RAPGEF4: variants seen among roughly 807,000 people sequenced by gnomAD.
The protein encoded by RAPGEF4 is RAP guanine-nucleotide-exchange factor (GEF) 4.
In RAPGEF4, 66 loss-of-function variants were observed where a neutral mutation model predicts 147.9. The ratio of observed to expected loss-of-function variants is 0.45; its 90% CI spans 0.37 to 0.55. The LOEUF (loss-of-function observed/expected upper bound fraction) is 0.55. RAPGEF4 is among the 20% of genes least tolerant of loss of function. The pLI, the probability that RAPGEF4 is intolerant of heterozygous loss-of-function variation, is 0.00. For synonymous variants in RAPGEF4, 419 were observed against 442.7 expected, an observed-to-expected ratio of 0.95 and a Z score of 0.67; for missense variants, 1,071 against 1,257.3, an observed-to-expected ratio of 0.85 and a Z score of 2.24.
intron 1 of RAPGEF4, among the ~76,000 whole-genome samples, chr2:172,757,150 A>G (rs1028108697): frequency 6.6e-6 from 1 of 152,280 alleles, no homozygotes; most frequent in Non-Finnish European, 1.5e-5. Flanking sequence ...CTGAAAGCCA[A>G]ACAGTGTAGC....
intron 6 of RAPGEF4, among the ~76,000 whole-genome samples, chr2:172,923,960 A>T (rs897958422): frequency 1.2e-4 from 19 of 152,296 alleles, no homozygotes; most frequent in East Asian, 1.9e-4. Flanking sequence ...ATTGATATTT[A>T]AAAAACTTTA....
chr2:172,838,975 T>G (rs1691276416), intron 4 of RAPGEF4, among the ~76,000 whole-genome samples: 1 of 152,178 alleles, frequency 6.6e-6, no homozygotes, highest in Admixed American at 6.5e-5. Flanking sequence ...CTTCTTCCCA[T>G]GCATCCTTTG....
At chr2:173,048,859 C>T (rs1278153857) in intron 30 of RAPGEF4, among the ~76,000 whole-genome samples, 2 of 152,084 alleles carry the variant, frequency 1.3e-5, no homozygotes, top group Non-Finnish European at 2.9e-5. Context: ...TGTTGTGAAA[C>T]TAGAAAATCA....
chr2:172,741,619 G>GA (rs2149419098), intron 1 of RAPGEF4, among the ~76,000 whole-genome samples: 1 of 152,152 alleles, frequency 6.6e-6, no homozygotes, highest in African/African-American at 2.4e-5. Context: ...TTTTATTGTG[G>GA]AAAAAATCAA....
At chr2:172,835,967 T>A (rs1004754365) in intron 4 of RAPGEF4, among the ~76,000 whole-genome samples, 4 of 152,152 alleles carry the variant, frequency 2.6e-5, no homozygotes, top group African/African-American at 9.7e-5. Context: ...ATTCTTCCAA[T>A]CTCTTTCTGG....
chr2:172,932,422 GT>G (rs1266617777), intron 6 of RAPGEF4, among the ~76,000 whole-genome samples: 1 of 152,196 alleles, frequency 6.6e-6, no homozygotes, highest in Non-Finnish European at 1.5e-5. Context: ...TAATCAGCGA[GT>G]TTTTATGGAA....
intron 4 of RAPGEF4, among the ~76,000 whole-genome samples, chr2:172,882,738 A>G (rs1696764487): frequency 2.0e-5 from 3 of 152,284 alleles, no homozygotes; most frequent in South Asian, 4.1e-4. Context: ...GTAAAGTTGA[A>G]AAAAGCTCAA....
intron 1 of RAPGEF4, among the ~76,000 whole-genome samples, chr2:172,746,091 T>C (rs1445235278): frequency 6.6e-6 from 1 of 152,206 alleles, no homozygotes; most frequent in South Asian, 2.1e-4. Context: ...CCGTTAACAA[T>C]GATTATGATT....
intron 5 of RAPGEF4, 119 bp downstream of exon 5, chr2:172,917,993 G>A (rs771392022): frequency 2.6e-5 from 23 of 873,996 alleles, no homozygotes; most frequent in Non-Finnish European, 4.1e-5. Context: ...CTCTTTTGTG[G>A]ATAAACAAAC....
chr2:173,003,363 T>C (rs1488363626), intron 17 of RAPGEF4, among the ~76,000 whole-genome samples: 1 of 152,186 alleles, frequency 6.6e-6, no homozygotes, highest in Non-Finnish European at 1.5e-5. Flanking sequence ...CTGACTTCTT[T>C]TGTCTGTAGA....
intron 1 of RAPGEF4, among the ~76,000 whole-genome samples, chr2:172,771,342 G>C (rs897104285): frequency 6.6e-6 from 1 of 151,500 alleles, no homozygotes; most frequent in African/African-American, 2.4e-5. Flanking sequence ...TAATACCATC[G>C]CCTTGGGGGT....
intron 6 of RAPGEF4, among the ~76,000 whole-genome samples, chr2:172,934,681 G>T (rs1026772011): frequency 6.6e-6 from 1 of 151,236 alleles, no homozygotes; most frequent in Non-Finnish European, 1.5e-5. Context: ...TAAGAGCCTT[G>T]TCACCTGAAC....
chr2:172,749,048 G>A (rs2149437389), intron 1 of RAPGEF4, among the ~76,000 whole-genome samples: 1 of 152,326 alleles, frequency 6.6e-6, no homozygotes, highest in East Asian at 1.9e-4. Flanking sequence ...TGGCCCCTGT[G>A]GCTTTGCAGG....
At chr2:172,995,942 C>G (rs770470220) in intron 15 of RAPGEF4, among the ~76,000 whole-genome samples, 1 of 152,060 alleles carries the variant, frequency 6.6e-6, no homozygotes, top group Non-Finnish European at 1.5e-5. Context: ...TGTTTGCTTT[C>G]TCTCGTTTTA....
At chr2:172,868,920 C>T (rs914460165) in intron 4 of RAPGEF4, among the ~76,000 whole-genome samples, 9 of 152,150 alleles carry the variant, frequency 5.9e-5, no homozygotes, top group African/African-American at 1.7e-4. Context: ...ATGTCACTGA[C>T]GAGAGCTGGA....
rs765988036 is a variant in RAPGEF4, at chr2:172,965,564, A to G, written c.701A>G (p.Gln234Arg). Reference sequence around the variant, plus strand: ...CTTTCTGTCTCACCTCTCCTTAGACAATGCTGTGTGGGAACTGAACTGGTG... The same window carrying G: ...CTTTCTGTCTCACCTCTCCTTAGACGATGCTGTGTGGGAACTGAACTGGTG... Reference protein sequence around the residue: ...DRKYHLKTYRQCCVGTELVDW... With the variant: ...DRKYHLKTYRRCCVGTELVDW... Residue 234 changes from glutamine to arginine, a missense_variant and splice_region_variant, in exon 9 of 31, where the codon CAA becomes CGA. Physicochemically the swap from Gln to Arg is conservative, Grantham distance 43 (BLOSUM62 1). Coordinates refer to ENST00000397081, the MANE Select transcript of RAPGEF4 (RefSeq NM_007023.4). The G allele has an allele frequency of 5.6e-6, 9 of 1,613,450 alleles. No homozygotes were observed. The East Asian group carries it at 1.8e-4, about 32-fold the overall frequency.
chr2:172,827,447 C>T (rs1388490787), intron 4 of RAPGEF4, among the ~76,000 whole-genome samples: 2 of 152,096 alleles, frequency 1.3e-5, no homozygotes, highest in African/African-American at 4.8e-5. Flanking sequence ...TCCTAGTTGG[C>T]CTCCTGTTAT....
chr2:173,001,364 G>C lies in RAPGEF4; in HGVS notation c.1658+20G>C. The C allele has an allele frequency of 6.2e-7, 1 of 1,613,400 alleles. No individual in the cohort carries two copies. Among genetic ancestry groups the C allele is most frequent in the Admixed American group, 1.7e-5 (1 of 59,970 alleles). Reference sequence around the variant, plus strand: ...GGCCCAATATCCTTTTATTGTGATTGTAAGTCCCTATTCCCTCGAAGACAA... The same window carrying C: ...GGCCCAATATCCTTTTATTGTGATTCTAAGTCCCTATTCCCTCGAAGACAA... On this transcript the variant is annotated intron_variant, in intron 17 of 30. Coordinates refer to ENST00000397081, the MANE Select transcript of RAPGEF4 (RefSeq NM_007023.4).
chr2:172,946,590 C>G (rs1288587954), intron 6 of RAPGEF4, among the ~76,000 whole-genome samples: 1 of 152,158 alleles, frequency 6.6e-6, no homozygotes, highest in Admixed American at 6.5e-5. Flanking sequence ...GACTTTGGCT[C>G]CAGCCTGCAA....
Sources: allele counts gnomAD v4.1 joint callset (sites outside exome capture counted in the v4.1 genomes callset), GRCh38; gene constraint gnomAD v4.1.1; transcripts MANE v1.5; gene names NCBI Gene and HGNC (gene_info 2026-07-23, HGNC 2026-07-21).